Variants in HTR4 observed in about 807,000 individuals in gnomAD.
HTR4 encodes 5-hydroxytryptamine receptor 4, also known as 5-hydroxytryptamine (serotonin) receptor 4, G protein-coupled.
In HTR4, 16 loss-of-function variants were observed where a neutral mutation model predicts 36.8. The ratio of observed to expected loss-of-function variants is 0.43; its 90% confidence interval spans 0.29 to 0.66. The LOEUF (loss-of-function observed/expected upper bound fraction) is 0.66. Among genes scored for constraint, HTR4 ranks in the 30% least tolerant of loss-of-function variants. HTR4 has a pLI of 0.13. For missense variants in HTR4, 438 were observed against 490.9 expected (o/e 0.89, Z 1.02); for synonymous variants, 189 against 185.1 (o/e 1.02, Z -0.17).
intron 2 of HTR4, among the ~76,000 whole-genome samples, chr5:148,571,982 T>C (rs1383644055): frequency 6.6e-6 from 1 of 152,146 alleles, no homozygotes; most frequent in African/African-American, 2.4e-5. Context: ...TGAGTGTGTG[T>C]TTTGTTCTTT....
chr5:148,510,498 A>G (rs1311186360), intron 5 of HTR4, among the ~76,000 whole-genome samples: 1 of 152,240 alleles, frequency 6.6e-6, no homozygotes, highest in African/African-American at 2.4e-5. Context: ...CAGATCAGTA[A>G]CATTAGAGTC....
At chr5:148,484,433 C>T (rs1756053604) in intron 6 of HTR4, 2 of 1,530,380 alleles carry the variant, frequency 1.3e-6, no homozygotes, top group Non-Finnish European at 1.8e-6. Flanking sequence ...GTGAATCTTA[C>T]TTACACAAGC....
chr5:148,461,919 G>A (rs1299575445), intron 5 of HTR4: 5 of 151,968 alleles, frequency 3.3e-5, no homozygotes, highest in Non-Finnish European at 7.4e-5. Flanking sequence ...CTGCTCTCAG[G>A]CCACAGTGGA....
At chr5:148,459,641 C>T (rs1173629788) in intron 5 of HTR4, among the ~76,000 whole-genome samples, 2 of 152,126 alleles carry the variant, frequency 1.3e-5, no homozygotes, top group African/African-American at 4.8e-5. Flanking sequence ...ACCTTAACAC[C>T]ATATGGGTAA....
At chr5:148,575,941 A>G (rs1397742206) in intron 2 of HTR4, among the ~76,000 whole-genome samples, 2 of 151,800 alleles carry the variant, frequency 1.3e-5, no homozygotes, top group Admixed American at 6.6e-5. Flanking sequence ...AGAAAGTCAA[A>G]CTATCTCTAT....
intron 5 of HTR4, among the ~76,000 whole-genome samples, chr5:148,511,518 A>G (rs1003587688): frequency 2.0e-5 from 3 of 152,190 alleles, no homozygotes; most frequent in Admixed American, 2.0e-4. Flanking sequence ...CATTATAGGA[A>G]TAAACTACAA....
intron 1 of HTR4, among the ~76,000 whole-genome samples, chr5:148,652,098 G>T (rs994917851): frequency 6.6e-6 from 1 of 152,108 alleles, no homozygotes; most frequent in Non-Finnish European, 1.5e-5. Context: ...AATATCAAAG[G>T]TGTTCAATTC....
At chr5:148,636,442 G>GA (rs952543386) in intron 2 of HTR4, among the ~76,000 whole-genome samples, 27 of 152,122 alleles carry the variant, frequency 1.8e-4, no homozygotes, top group African/African-American at 5.8e-4. Flanking sequence ...TTTTCGAAAA[G>GA]AAAATCTTCC....
intron 2 of HTR4, among the ~76,000 whole-genome samples, chr5:148,619,754 G>C (rs553275187): frequency 6.6e-6 from 1 of 152,000 alleles, no homozygotes; most frequent in East Asian, 1.9e-4. Flanking sequence ...GTAGGAGGAA[G>C]ATAAAAAAAT....
At chr5:148,636,966 A>G (rs1261865682) in intron 2 of HTR4, 23 bp downstream of exon 2, 2 of 1,462,958 alleles carry the variant, frequency 1.4e-6, no homozygotes, top group African/African-American at 1.4e-5. Flanking sequence ...TTACAACACA[A>G]TATGTACAGA....
intron 2 of HTR4, among the ~76,000 whole-genome samples, chr5:148,631,966 G>A (rs1368357684): frequency 6.6e-6 from 1 of 152,048 alleles, no homozygotes; most frequent in African/African-American, 2.4e-5. Context: ...AAGCTTGCCA[G>A]TTTGATCTTC....
intron 2 of HTR4, among the ~76,000 whole-genome samples, chr5:148,561,500 T>C (rs1489510426): frequency 1.3e-5 from 2 of 152,226 alleles, no homozygotes; most frequent in Admixed American, 1.3e-4. Flanking sequence ...TGGTCTCTCT[T>C]TAAGAAAACC....
intron 4 of HTR4, among the ~76,000 whole-genome samples, chr5:148,537,660 A>G (rs1758891423): frequency 6.6e-6 from 1 of 152,120 alleles, no homozygotes; most frequent in African/African-American, 2.4e-5. Context: ...TCCCGGACAC[A>G]TACACCCTCC....
At chr5:148,539,763 A>G (rs1223098590) in intron 4 of HTR4, among the ~76,000 whole-genome samples, 1 of 152,136 alleles carries the variant, frequency 6.6e-6, no homozygotes, top group Non-Finnish European at 1.5e-5. Flanking sequence ...ACATTTATAC[A>G]CTGTTGGAGG....
intron 2 of HTR4, among the ~76,000 whole-genome samples, chr5:148,614,086 CG>C (rs1474527284): frequency 6.6e-6 from 1 of 151,960 alleles, no homozygotes; most frequent in Non-Finnish European, 1.5e-5. Flanking sequence ...GAATCAATAT[CG>C]TGAAAATGGC....
chr5:148,594,590 CT>C (rs1247739760), intron 2 of HTR4, among the ~76,000 whole-genome samples: 1 of 152,114 alleles, frequency 6.6e-6, no homozygotes, highest in African/African-American at 2.4e-5. Context: ...CATTTAGAGA[CT>C]TTAATACTGC....
chr5:148,584,274 C>T (rs1761260280), intron 2 of HTR4, among the ~76,000 whole-genome samples: 1 of 151,968 alleles, frequency 6.6e-6, no homozygotes, highest in South Asian at 2.1e-4. Context: ...CTGGAGCTTT[C>T]CCCCAAAAAA....
At chr5:148,579,468 T>C (rs1338218162) in intron 2 of HTR4, among the ~76,000 whole-genome samples, 2 of 152,080 alleles carry the variant, frequency 1.3e-5, no homozygotes, top group East Asian at 3.9e-4. Context: ...GGGTTAGGCA[T>C]GTGGCCCAAG....
intron 5 of HTR4, among the ~76,000 whole-genome samples, chr5:148,455,121 A>G (rs549424869): frequency 3.9e-5 from 6 of 152,292 alleles, no homozygotes; most frequent in African/African-American, 1.4e-4. Context: ...TATACAATTT[A>G]CTTTTTATAC....
Sources: allele counts gnomAD v4.1 joint callset (sites outside exome capture counted in the v4.1 genomes callset), GRCh38; gene constraint gnomAD v4.1.1; transcripts MANE v1.5; gene names NCBI Gene and HGNC (gene_info 2026-07-23, HGNC 2026-07-21).